NRG1: variants seen among roughly 807,000 people sequenced by gnomAD.
NRG1 encodes the protein pro-neuregulin-1, membrane-bound isoform.
A neutral mutation model predicts 63.8 loss-of-function variants in NRG1; 18 were observed. That is an observed-to-expected ratio of 0.28 (90% CI 0.19 to 0.42). The LOEUF (loss-of-function observed/expected upper bound fraction) is 0.42, where lower values mean the gene tolerates loss of function less well. Ranked by LOEUF, NRG1 falls within the 10% of genes least tolerant of loss-of-function variation. NRG1 has a pLI of 1.00. For missense variants in NRG1, 762 were observed against 814.7 expected (o/e 0.94, Z 0.79); for synonymous variants, 302 against 301.3 (o/e 1.00, Z -0.02).
intron 1 of NRG1, among the ~76,000 whole-genome samples, chr8:32,274,562 A>C (rs1851891643): frequency 6.6e-6 from 1 of 152,142 alleles, no homozygotes; most frequent in Non-Finnish European, 1.5e-5. Context: ...TACAACACAC[A>C]CTTTACAGGG....
chr8:32,527,568 A>T (rs1830992633), intron 1 of NRG1, among the ~76,000 whole-genome samples: 1 of 152,036 alleles, frequency 6.6e-6, no homozygotes, highest in Non-Finnish European at 1.5e-5. Flanking sequence ...GTCAATATAC[A>T]CTAAAAGCTC....
In NRG1 at chr8:32,307,526, G is replaced by T. The variant is rs1169339960; in HGVS notation, c.38-288302G>T. 2.0e-5 allele frequency among the ~76,000 whole-genome samples: 3 copies of T among 152,088 alleles called. No individual in the cohort carries two copies. In the East Asian group the frequency reaches 5.8e-4, roughly 29 times the overall value. ...TAAAAATGGTAACATTATAAAGTGT[G>T]AAAGTGTGGGGTTAGGAATCATTTC... On this transcript the variant is annotated intron_variant, in intron 1 of 10. Coordinates refer to the NRG1 transcript ENST00000519301.
At chr8:31,696,012 G>T (rs897482703) in intron 1 of NRG1, among the ~76,000 whole-genome samples, 1 of 134,924 alleles carries the variant, frequency 7.4e-6, no homozygotes, top group Non-Finnish European at 1.5e-5. Context: ...AGGATTAAAA[G>T]ATAATGGATT....
intron 1 of NRG1, among the ~76,000 whole-genome samples, chr8:31,943,379 G>A (rs1295343489): frequency 6.6e-6 from 1 of 152,062 alleles, no homozygotes; most frequent in African/African-American, 2.4e-5. Flanking sequence ...TCGGGGACTT[G>A]CAGGGAAAGT....
At chr8:31,853,593 T>C (rs1827499003) in intron 1 of NRG1, among the ~76,000 whole-genome samples, 1 of 151,236 alleles carries the variant, frequency 6.6e-6, no homozygotes, top group Non-Finnish European at 1.5e-5. Flanking sequence ...CCTAATTGAA[T>C]ACCCTTTATT....
At chr8:31,947,162 C>T (rs904387724) in intron 1 of NRG1, among the ~76,000 whole-genome samples, 10 of 151,272 alleles carry the variant, frequency 6.6e-5, no homozygotes, top group East Asian at 2.0e-4. Flanking sequence ...TAGCCGGGCG[C>T]GGTGGCGGGC....
At chr8:31,865,471 A>T (rs1284591591) in intron 1 of NRG1, among the ~76,000 whole-genome samples, 1 of 152,106 alleles carries the variant, frequency 6.6e-6, no homozygotes, top group Non-Finnish European at 1.5e-5. Flanking sequence ...CCCAAGTCTC[A>T]TCTTGAATTG....
At chr8:32,469,659 A>C (rs933047948) in intron 1 of NRG1, among the ~76,000 whole-genome samples, 13 of 152,208 alleles carry the variant, frequency 8.5e-5, no homozygotes, top group Admixed American at 8.5e-4. Context: ...TATCAGTAAA[A>C]GGAAATTTAT....
chr8:31,843,912 A>G (rs896588533), intron 1 of NRG1, among the ~76,000 whole-genome samples: 1 of 152,182 alleles, frequency 6.6e-6, no homozygotes, highest in African/African-American at 2.4e-5. Context: ...GGATGATCCA[A>G]CACTAGGGCT....
chr8:32,522,970 T>C (rs1028413828), intron 1 of NRG1, among the ~76,000 whole-genome samples: 1 of 152,050 alleles, frequency 6.6e-6, no homozygotes, highest in Non-Finnish European at 1.5e-5. Flanking sequence ...TCTGGCTAAT[T>C]TTTGAATTTT....
intron 1 of NRG1, among the ~76,000 whole-genome samples, chr8:31,726,987 C>T (rs1813513707): frequency 6.6e-6 from 1 of 152,060 alleles, no homozygotes; most frequent in African/African-American, 2.4e-5. Flanking sequence ...CCAGTGTGTC[C>T]ATTACAACAG....
In NRG1 at chr8:31,649,198, G is replaced by A. The variant is rs188362247; in HGVS notation, c.37+9767G>A. On this transcript the variant is annotated intron_variant, in intron 1 of 10. Transcript: ENST00000519301. ...TTGAACTCCTGACCTCAGGTGATCC[G>A]CCTGCCTCGGCCTCCCAAAATGCTG... Among the ~76,000 whole-genome samples the A allele has an allele frequency of 1.1e-3, 161 of 152,208 alleles. 1 individual carries two copies. The highest frequency in any genetic ancestry group is 2.7e-3 in the African/African-American group (111 of 41,538).
chr8:32,720,775 C>A (rs576592770), intron 5 of NRG1, among the ~76,000 whole-genome samples: 1 of 152,168 alleles, frequency 6.6e-6, no homozygotes, highest in East Asian at 1.9e-4. Context: ...GATGATTAGA[C>A]TGTGCCATGA....
At chr8:32,157,608 G>A (rs1442559062) in intron 1 of NRG1, among the ~76,000 whole-genome samples, 2 of 151,438 alleles carry the variant, frequency 1.3e-5, no homozygotes, top group Non-Finnish European at 2.9e-5. Context: ...GCAGTAAGCA[G>A]AGATTGTGCC....
chr8:32,225,661 CAGGTGAAGAT>C (rs1324505806), intron 1 of NRG1, among the ~76,000 whole-genome samples: 11 of 152,156 alleles, frequency 7.2e-5, no homozygotes, highest in Admixed American at 2.0e-4. Context: ...TACTATTGAA[CAGGTGAAGAT>C]AGAGTAATAT....
At chr8:32,577,380 C>A (rs1345988686) in intron 1 of NRG1, among the ~76,000 whole-genome samples, 1 of 152,168 alleles carries the variant, frequency 6.6e-6, no homozygotes, top group Non-Finnish European at 1.5e-5. Context: ...GGTTTGGGAA[C>A]CTCTGGCCTG....
At chr8:32,260,703 G>A (rs1386086404) in intron 1 of NRG1, among the ~76,000 whole-genome samples, 15 of 152,174 alleles carry the variant, frequency 9.9e-5, no homozygotes, top group Admixed American at 9.8e-4. Flanking sequence ...CAACAGTTTA[G>A]TACTGCGTAG....
intron 1 of NRG1, among the ~76,000 whole-genome samples, chr8:31,810,312 T>C (rs748999456): frequency 3.5e-4 from 53 of 152,100 alleles, no homozygotes; most frequent in Non-Finnish European, 4.1e-4. Flanking sequence ...CTCAGAGAAA[T>C]GTAAAACATA....
chr8:32,227,906 G>A (rs571267008), intron 1 of NRG1, among the ~76,000 whole-genome samples: 5 of 152,284 alleles, frequency 3.3e-5, no homozygotes, highest in South Asian at 4.1e-4. Context: ...TCAGAAATAC[G>A]AGGTTTGTAT....
Sources: gnomAD v4.1 joint callset for allele counts (sites outside exome capture counted in the v4.1 genomes callset) on GRCh38, gnomAD v4.1.1 for gene constraint, MANE v1.5 for transcripts, NCBI Gene and HGNC (gene_info 2026-07-23, HGNC 2026-07-21) for gene names.